RASA2: variants seen among roughly 807,000 people sequenced by gnomAD.
RASA2 encodes the protein ras GTPase-activating protein 2.
Under a neutral mutation model 118.2 loss-of-function variants are expected in RASA2, and 155 were observed. That is an observed-to-expected ratio of 1.31 (90% CI 1.15 to 1.50). The LOEUF (loss-of-function observed/expected upper bound fraction) is 1.50, where lower values mean the gene tolerates loss of function less well. Ranked by LOEUF, RASA2 falls within the 40% of genes most tolerant of loss-of-function variation. The pLI is 0.00. For synonymous variants in RASA2, 353 were observed against 349.1 expected, an observed-to-expected ratio of 1.01 and a Z score of -0.12; for missense variants, 1,016 against 1,009.6, an observed-to-expected ratio of 1.01 and a Z score of -0.09.
chr3:141,521,794 A>C (rs2082114837), intron 3 of RASA2, among the ~76,000 whole-genome samples: 1 of 152,012 alleles, frequency 6.6e-6, no homozygotes, highest in East Asian at 1.9e-4. Context: ...TATTAAACAC[A>C]CTACATACCC....
chr3:141,565,316 G>C (rs985061580), intron 9 of RASA2, among the ~76,000 whole-genome samples: 1 of 152,158 alleles, frequency 6.6e-6, no homozygotes, highest in Non-Finnish European at 1.5e-5. Flanking sequence ...CTGATAAAAC[G>C]AGATGTCTGA....
intron 5 of RASA2, among the ~76,000 whole-genome samples, chr3:141,544,777 A>G (rs1005826608): frequency 2.6e-5 from 4 of 152,240 alleles, no homozygotes; most frequent in African/African-American, 9.6e-5. Context: ...AAGAAAATGC[A>G]GTACATACAT....
intron 19 of RASA2, among the ~76,000 whole-genome samples, chr3:141,601,119 A>C (rs1291555514): frequency 6.6e-6 from 1 of 152,136 alleles, no homozygotes; most frequent in Non-Finnish European, 1.5e-5. Context: ...CACCTCACAC[A>C]ACACAAAATT....
chr3:141,497,580 T>G (rs1416726118), intron 1 of RASA2, among the ~76,000 whole-genome samples: 3 of 151,476 alleles, frequency 2.0e-5, no homozygotes, highest in Non-Finnish European at 4.4e-5. Flanking sequence ...TAAGTTTTTT[T>G]GGTAACTTTT....
chr3:141,610,310 TATATG>T (rs1372407049), intron 23 of RASA2, among the ~76,000 whole-genome samples: 1 of 143,226 alleles, frequency 7.0e-6, no homozygotes. Flanking sequence ...TATGAAATTA[TATATG>T]ATATATGTAT....
chr3:141,606,418 A>G (rs995752329), intron 19 of RASA2, among the ~76,000 whole-genome samples: 4 of 152,196 alleles, frequency 2.6e-5, no homozygotes, highest in Non-Finnish European at 4.4e-5. Flanking sequence ...CTCACTTTCT[A>G]TCACATCACC....
At chr3:141,565,538 T>C (rs1323937915) in intron 9 of RASA2, among the ~76,000 whole-genome samples, 1 of 152,192 alleles carries the variant, frequency 6.6e-6, no homozygotes, top group East Asian at 1.9e-4. Flanking sequence ...ATCCCCATAC[T>C]GTTCTTGTGG....
intron 15 of RASA2, chr3:141,578,415 C>A (rs1293408958): frequency 6.6e-6 from 1 of 152,236 alleles, no homozygotes; most frequent in African/African-American, 2.4e-5. Context: ...AGGAAACTCA[C>A]AGCCAAGAGG....
intron 9 of RASA2, among the ~76,000 whole-genome samples, chr3:141,565,924 TTTC>T (rs1198251367): frequency 6.6e-6 from 1 of 152,208 alleles, no homozygotes; most frequent in Non-Finnish European, 1.5e-5. Context: ...AGTGATGTAA[TTTC>T]TTCTTGTATT....
chr3:141,546,399 T>G (rs1000089060), intron 5 of RASA2, among the ~76,000 whole-genome samples: 1 of 152,246 alleles, frequency 6.6e-6, no homozygotes, highest in African/African-American at 2.4e-5. Flanking sequence ...AGAAAAATTA[T>G]AATTTCATTG....
intron 19 of RASA2, among the ~76,000 whole-genome samples, chr3:141,596,345 T>C (rs1303449815): frequency 6.6e-6 from 1 of 152,214 alleles, no homozygotes; most frequent in African/African-American, 2.4e-5. Context: ...TATCAAAGTT[T>C]GTGGGATACA....
chr3:141,581,627 T>C (rs2083114875), intron 17 of RASA2, among the ~76,000 whole-genome samples: 1 of 152,206 alleles, frequency 6.6e-6, no homozygotes, highest in African/African-American at 2.4e-5. Context: ...TTGCCTCTGG[T>C]TGAGAACCTC....
intron 17 of RASA2, among the ~76,000 whole-genome samples, chr3:141,582,015 G>T (rs2083121550): frequency 6.6e-6 from 1 of 152,130 alleles, no homozygotes; most frequent in Non-Finnish European, 1.5e-5. Flanking sequence ...AATAAGGAAA[G>T]AAATGAATTA....
Position 141,540,532 on chromosome 3 carries a change from G to T in RASA2, c.451-1G>T. ...AGTTTGTAATCTTTTTGTCATTATAGGGTAAAGTTCACCTTGAATTAAAAC... is the reference window on the plus strand; with the variant it reads ...AGTTTGTAATCTTTTTGTCATTATATGGTAAAGTTCACCTTGAATTAAAAC... On this transcript the variant is annotated splice_acceptor_variant, in intron 4 of 23. Coordinates refer to ENST00000286364, the MANE Select transcript of RASA2 (RefSeq NM_006506.5). LOFTEE classifies it high-confidence loss of function. The T allele has an allele frequency of 6.2e-7, 1 of 1,606,804 alleles. No homozygotes were observed. The highest frequency in any genetic ancestry group is 8.5e-7 in the Non-Finnish European group (1 of 1,174,304).
intron 19 of RASA2, among the ~76,000 whole-genome samples, chr3:141,598,265 C>T (rs962773285): frequency 2.2e-4 from 33 of 152,086 alleles, no homozygotes; most frequent in Non-Finnish European, 2.2e-4. Context: ...TGAATTAAAT[C>T]CAGCAGTATA....
At chr3:141,496,892 A>G (rs897910905) in intron 1 of RASA2, among the ~76,000 whole-genome samples, 2 of 152,154 alleles carry the variant, frequency 1.3e-5, no homozygotes, top group Non-Finnish European at 2.9e-5. Flanking sequence ...ATTATTCACA[A>G]TAGCAAAGAC....
chr3:141,593,609 C>T (rs1299415604), intron 19 of RASA2, among the ~76,000 whole-genome samples: 1 of 152,152 alleles, frequency 6.6e-6, no homozygotes, highest in African/African-American at 2.4e-5. Context: ...AAAGCAATAA[C>T]TGAAAACTTG....
chr3:141,511,851 T>C (rs1371582812), intron 1 of RASA2, among the ~76,000 whole-genome samples: 1 of 152,144 alleles, frequency 6.6e-6, no homozygotes. Flanking sequence ...AAAGATTAAT[T>C]GTGGAGTAAA....
intron 1 of RASA2, among the ~76,000 whole-genome samples, chr3:141,499,877 C>T (rs2081753933): frequency 1.3e-5 from 2 of 152,298 alleles, no homozygotes; most frequent in South Asian, 4.1e-4. Context: ...GCATGAGCCA[C>T]CGTGCCTGGC....
Sources: allele counts gnomAD v4.1 joint callset (sites outside exome capture counted in the v4.1 genomes callset), GRCh38; gene constraint gnomAD v4.1.1; transcripts MANE v1.5; gene names NCBI Gene and HGNC (gene_info 2026-07-23, HGNC 2026-07-21).